HSD3B1: variants seen among roughly 807,000 people sequenced by gnomAD.
HSD3B1 encodes the protein hydroxy-delta-5-steroid dehydrogenase, 3 beta- and steroid delta-isomerase 1, also known as 3 beta-hydroxysteroid dehydrogenase/Delta 5-->4-isomerase type 1.
HSD3B1 carries 11 observed loss-of-function variants against 10.4 expected under a neutral mutation model. That is an observed-to-expected ratio of 1.05 (90% confidence interval 0.66 to 1.75). HSD3B1 has a LOEUF of 1.75. HSD3B1 is among the 40% of genes most tolerant of loss of function. The pLI is 0.00. For missense variants in HSD3B1, 490 were observed against 454.5 expected, an observed-to-expected ratio of 1.08 and a Z score of -0.71; for synonymous variants, 217 against 185.4, an observed-to-expected ratio of 1.17 and a Z score of -1.39.
chr1:119,512,511 T>G (rs144243002), intron 3 of HSD3B1, among the ~76,000 whole-genome samples: 1 of 151,754 alleles, frequency 6.6e-6, no homozygotes, highest in Non-Finnish European at 1.5e-5. Context: ...GGCCTGGCCC[T>G]CCGCATTTAG....
chr1:119,510,971 C>G lies in HSD3B1; in HGVS notation c.146-532C>G, dbSNP rs587651278. Among the ~76,000 whole-genome samples the G allele has an allele frequency of 4.1e-4, 62 of 151,994 alleles. 1 individual carries two copies. The highest frequency in any genetic ancestry group is 7.2e-4 in the Admixed American group (11 of 15,268). On this transcript the variant is annotated intron_variant, in intron 2 of 3. Transcript: ENST00000369413. Reference sequence around the variant, plus strand: ...ATGTTGTCCAAGCTGGTCTCAACCTCCTGCGCTCCAGTGATCCATCCATCA... The same window carrying G: ...ATGTTGTCCAAGCTGGTCTCAACCTGCTGCGCTCCAGTGATCCATCCATCA...
intron 3 of HSD3B1, among the ~76,000 whole-genome samples, chr1:119,512,882 T>C (rs1389196814): frequency 6.6e-6 from 1 of 152,198 alleles, no homozygotes; most frequent in East Asian, 1.9e-4. Flanking sequence ...AAACTCAAAT[T>C]GCACAGAGAC....
In HSD3B1 at chr1:119,514,737, C is replaced by G; in HGVS notation, c.*92C>G. ...CCTCATACAGAAAGTGACAAGGGCACAAGCTCAGGTCCTGCTGCCTCCCTT... is the reference window on the plus strand; with the variant it reads ...CCTCATACAGAAAGTGACAAGGGCAGAAGCTCAGGTCCTGCTGCCTCCCTT... On this transcript the variant is annotated 3_prime_UTR_variant, in exon 4 of 4. Coordinates refer to ENST00000369413, the MANE Select transcript of HSD3B1 (RefSeq NM_000862.3). The G allele has an allele frequency of 4.3e-6, 6 of 1,396,466 alleles. No individual in the cohort carries two copies. Among genetic ancestry groups the G allele is most frequent in the Non-Finnish European group, 1.0e-6 (1 of 1,003,602 alleles). 86.5% of individuals were successfully genotyped at this position (1,396,466 alleles called of 1,614,324 possible).
chr1:119,508,522 C>T (rs1027729171), intron 2 of HSD3B1, among the ~76,000 whole-genome samples: 2 of 152,188 alleles, frequency 1.3e-5, no homozygotes, highest in African/African-American at 2.4e-5. Flanking sequence ...CATCAAGGTC[C>T]GGAATCACAA....
Position 119,514,615 on chromosome 1 carries a change from C to G in HSD3B1, c.1092C>G (p.His364Gln), listed in dbSNP as rs773301563. The G allele has an allele frequency of 1.2e-6, 2 of 1,613,660 alleles. No individual in the cohort carries two copies. The highest frequency in any genetic ancestry group is 1.7e-6 in the Non-Finnish European group (2 of 1,179,978). ...GGGTTGGTTCCCTTGTGGACCGGCA[C>G]AAGGAGACCCTGAAGTCCAAGACTC... ...VEWVGSLVDRHKETLKSKTQ is the reference protein window; with the variant it reads ...VEWVGSLVDRQKETLKSKTQ The change falls in exon 4 of 4, where the codon CAC becomes CAG. Residue 364 changes from histidine to glutamine, a missense_variant. Coordinates refer to ENST00000369413, the MANE Select transcript of HSD3B1 (RefSeq NM_000862.3).
chr1:119,513,768 C>A, intron 3 of HSD3B1, 66 bp from the exon 4 acceptor site: 1 of 1,470,648 alleles, frequency 6.8e-7, no homozygotes, highest in Non-Finnish European at 9.4e-7. Context: ...GCACATAGAT[C>A]TGTGTTCGTG....
chr1:119,514,371 G>C lies in HSD3B1; in HGVS notation c.848G>C (p.Arg283Thr). The C allele has an allele frequency of 6.2e-7, 1 of 1,614,172 alleles. No individual in the cohort carries two copies. Among genetic ancestry groups the C allele is most frequent in the African/African-American group, 1.3e-5 (1 of 75,064 alleles). Reference sequence around the variant, plus strand: ...GAGTTCGGCCTCCGCCTTGATTCCAGATGGAGCTTTCCTTTATCCCTGATG... The same window carrying C: ...GAGTTCGGCCTCCGCCTTGATTCCACATGGAGCTTTCCTTTATCCCTGATG... ...SKEFGLRLDS[R>T]WSFPLSLMYW... is the part of the protein sequence containing the mutation. The change falls in exon 4 of 4, where the codon AGA becomes ACA. Residue 283 changes from arginine (R) to threonine (T), a missense_variant. By Grantham distance (71) the Arg-to-Thr change is moderately conservative. Coordinates refer to ENST00000369413, the MANE Select transcript of HSD3B1 (RefSeq NM_000862.3).
intron 2 of HSD3B1, among the ~76,000 whole-genome samples, chr1:119,509,969 G>A (rs1037528925): frequency 2.0e-5 from 3 of 152,172 alleles, no homozygotes; most frequent in Non-Finnish European, 4.4e-5. Flanking sequence ...CACTAGAAAC[G>A]TGACCTTAGA....
At chr1:119,509,759 G>A (rs2101457295) in intron 2 of HSD3B1, among the ~76,000 whole-genome samples, 1 of 152,284 alleles carries the variant, frequency 6.6e-6, no homozygotes, top group Middle Eastern at 3.4e-3. Flanking sequence ...ACCCCAGGAA[G>A]GAATTTCTCC....
chr1:119,514,153 G>C lies in HSD3B1; in HGVS notation c.630G>C (p.Gly210=). The change falls in exon 4 of 4, where the codon GGG becomes GGC. Residue 210 remains glycine, a synonymous_variant. Transcript: ENST00000369413. ...TAAACGAGGCCCTGAACAACAATGG[G>C]ATCCTGTCAAGTGTTGGAAAGTTCT... ...ASINEALNNN[G]ILSSVGKFST... is the part of the protein sequence containing the mutation. 6.2e-7 allele frequency: 1 copy of C among 1,614,108 alleles called. No homozygotes were observed. Among genetic ancestry groups the C allele is most frequent in the African/African-American group, 1.3e-5 (1 of 75,038 alleles).
At chr1:119,512,395 C>G (rs1385755091) in intron 3 of HSD3B1, among the ~76,000 whole-genome samples, 1 of 152,034 alleles carries the variant, frequency 6.6e-6, no homozygotes, top group African/African-American at 2.4e-5. Flanking sequence ...GTATGGCTTT[C>G]CAACTACCTT....
At position 119,514,615 on chromosome 1, in the gene HSD3B1, C is replaced by A. The variant is rs773301563; in HGVS notation, c.1092C>A (p.His364Gln). 2 of 1,613,778 alleles carry A rather than the reference C, an allele frequency of 1.2e-6. No homozygotes were observed. Among genetic ancestry groups the A allele is most frequent in the Non-Finnish European group, 1.7e-6 (2 of 1,179,970 alleles). Residue 364 changes from histidine to glutamine, a missense_variant, in exon 4 of 4, where the codon CAC becomes CAA. Transcript: ENST00000369413. ...VEWVGSLVDR[H>Q]KETLKSKTQ ...GGGTTGGTTCCCTTGTGGACCGGCA[C>A]AAGGAGACCCTGAAGTCCAAGACTC...
chr1:119,508,993 C>G (rs1338586912), intron 2 of HSD3B1, among the ~76,000 whole-genome samples: 1 of 152,196 alleles, frequency 6.6e-6, no homozygotes, highest in African/African-American at 2.4e-5. Flanking sequence ...TATTGTTCCC[C>G]TATGGTAAAA....
Position 119,507,586 on chromosome 1 carries a change from A to G in HSD3B1, c.110A>G (p.Lys37Arg). 2 of 1,613,998 alleles carry G rather than the reference A, an allele frequency of 1.2e-6. No homozygotes were observed. Among genetic ancestry groups the G allele is most frequent in the Non-Finnish European group, 1.7e-6 (2 of 1,179,916 alleles). ...KELKEIRVLD[K>R]AFGPELREEF... ...CTGAAGGAGATCAGGGTCTTGGACA[A>G]GGCCTTCGGACCAGAATTGAGAGAG... Residue 37 changes from lysine (K) to arginine (R), a missense_variant, in exon 2 of 4, where the codon AAG becomes AGG. Transcript: ENST00000369413.
chr1:119,514,549 A>G lies in HSD3B1; in HGVS notation c.1026A>G (p.Pro342=), dbSNP rs1654054219. The part of the protein sequence containing the change: ...KKAQRDLAYK[P]LYSWEEAKQK... ...CTCAGCGAGATCTGGCGTATAAGCC[A>G]CTCTACAGCTGGGAGGAAGCCAAGC... Residue 342 remains proline, a synonymous_variant, in exon 4 of 4, where the codon CCA becomes CCG. Coordinates refer to ENST00000369413, the MANE Select transcript of HSD3B1 (RefSeq NM_000862.3). 1 of 1,613,902 alleles carries G rather than the reference A, an allele frequency of 6.2e-7. No individual in the cohort carries two copies. Among genetic ancestry groups the G allele is most frequent in the Non-Finnish European group, 8.5e-7 (1 of 1,179,982 alleles).
In HSD3B1 at chr1:119,511,613, A is replaced by G. The variant is rs767254071; in HGVS notation, c.256A>G (p.Ile86Val). 1.2e-6 allele frequency: 2 copies of G among 1,613,798 alleles called. No individual in the cohort carries two copies. The highest frequency in any genetic ancestry group is 2.2e-5 in the South Asian group (2 of 91,070). The change falls in exon 3 of 4, where the codon ATT (isoleucine) becomes GTT (valine). Residue 86 changes from isoleucine (I) to valine (V), a missense_variant. By Grantham distance (29) the Ile-to-Val change is conservative. Coordinates refer to ENST00000369413, the MANE Select transcript of HSD3B1 (RefSeq NM_000862.3). ...GGTCATCATCCACACCGCCTGTATC[A>G]TTGATGTCTTCGGTGTCACTCACAG... is the stretch of plus-strand genomic sequence containing the variant. ...VSVIIHTACI[I>V]DVFGVTHRES...
Position 119,513,890 on chromosome 1 carries a change from A to C in HSD3B1, c.367A>C (p.Thr123Pro). 2 of 1,613,952 alleles carry C rather than the reference A, an allele frequency of 1.2e-6. No individual in the cohort carries two copies. The highest frequency in any genetic ancestry group is 1.7e-6 in the Non-Finnish European group (2 of 1,179,954). ...VQASVPVFIY[T>P]SSIEVAGPNS... ...AGCTAGTGTGCCAGTCTTCATCTACACCAGTAGCATAGAGGTAGCCGGGCC... is the reference window on the plus strand; with the variant it reads ...AGCTAGTGTGCCAGTCTTCATCTACCCCAGTAGCATAGAGGTAGCCGGGCC... The change falls in exon 4 of 4, where the codon ACC (threonine) becomes CCC (proline). Residue 123 changes from threonine (T) to proline (P), a missense_variant. Thr to Pro is a conservative substitution (Grantham distance 38, BLOSUM62 -1). Transcript: ENST00000369413.
In HSD3B1 at chr1:119,511,438, T is replaced by C. The variant is rs940212353; in HGVS notation, c.146-65T>C. The C allele has an allele frequency of 3.2e-6, 5 of 1,542,142 alleles. No homozygotes were observed. In the Admixed American group the frequency reaches 8.4e-5, roughly 26 times the overall value. On this transcript the variant is annotated intron_variant, in intron 2 of 3. Coordinates refer to ENST00000369413, the MANE Select transcript of HSD3B1 (RefSeq NM_000862.3). ...CCTTGAACACCTATGTAACATCACC[T>C]TTATCAGAAAACTTCTCAGCCAGAT...
In HSD3B1 at chr1:119,514,083, C is replaced by A; in HGVS notation, c.560C>A (p.Pro187His). ...ACCCTGTACACTTGTGCCTTACGAC[C>A]CATGTATATCTATGGGGAAGGAAGC... ...GGTLYTCALR[P>H]MYIYGEGSRF... is the part of the protein sequence containing the mutation. The change falls in exon 4 of 4, where the codon CCC becomes CAC. Residue 187 changes from proline to histidine, a missense_variant. Physicochemically the swap from Pro to His is moderately conservative, Grantham distance 77. Coordinates refer to ENST00000369413, the MANE Select transcript of HSD3B1 (RefSeq NM_000862.3). 3.7e-6 allele frequency: 6 copies of A among 1,614,096 alleles called. No homozygotes were observed. Among genetic ancestry groups the A allele is most frequent in the Non-Finnish European group, 4.2e-6 (5 of 1,179,998 alleles).
Sources: gnomAD v4.1 joint callset for allele counts (sites outside exome capture counted in the v4.1 genomes callset) on GRCh38, gnomAD v4.1.1 for gene constraint, MANE v1.5 for transcripts, NCBI Gene and HGNC (gene_info 2026-07-23, HGNC 2026-07-21) for gene names.